Variants in SLC35D1 observed in about 807,000 individuals in gnomAD.
SLC35D1 encodes the protein nucleotide sugar transporter SLC35D1.
Under a neutral mutation model 46.7 loss-of-function variants are expected in SLC35D1, and 31 were observed. That is an observed-to-expected ratio of 0.66 (90% CI 0.50 to 0.90). The LOEUF is 0.90. Among genes scored for constraint, SLC35D1 ranks in the 40% least tolerant of loss-of-function variants. The pLI, the probability that SLC35D1 is intolerant of heterozygous loss-of-function variation, is 0.00. For missense variants in SLC35D1, 397 were observed against 426.2 expected (o/e 0.93, Z 0.60); for synonymous variants, 195 against 164.6 (o/e 1.18, Z -1.41).
Position 67,004,369 on chromosome 1 carries a change from G to A in SLC35D1, c.1039C>T (p.Leu347=), listed in dbSNP as rs1667403014. ...LSKQSEANNK[L]DIKGKGAV is the part of the protein sequence containing the mutation. The stretch of plus-strand genomic sequence containing the variant: ...ACTGCTCCTTTCCCCTTAATGTCCA[G>A]CTTGTTATTAGCCTCTGACTGTTTG... Residue 347 remains leucine, a synonymous_variant, in exon 12 of 12, where the codon CTG becomes TTG. Coordinates refer to ENST00000235345, the MANE Select transcript of SLC35D1 (RefSeq NM_015139.3). 1 of 1,614,068 alleles carries A rather than the reference G, an allele frequency of 6.2e-7. No homozygotes were observed. The highest frequency in any genetic ancestry group is 8.5e-7 in the Non-Finnish European group (1 of 1,179,950).
Position 67,036,523 on chromosome 1 carries a change from A to T in SLC35D1, c.729+5713T>A, listed in dbSNP as rs115071438. On this transcript the variant is annotated intron_variant, in intron 8 of 11. Coordinates refer to ENST00000235345, the MANE Select transcript of SLC35D1 (RefSeq NM_015139.3). ...TTGCTCAATTTACCCCTTTATCATTATATAGTGACCTTCTTTGTGTCTTAC... is the reference window on the plus strand; with the variant it reads ...TTGCTCAATTTACCCCTTTATCATTTTATAGTGACCTTCTTTGTGTCTTAC... Among the ~76,000 whole-genome samples the T allele has an allele frequency of 5.8e-3, 883 of 152,228 alleles. 6 individuals carry two copies. Among genetic ancestry groups the T allele is most frequent in the African/African-American group, 0.02 (822 of 41,562 alleles).
chr1:67,053,172 T>G (rs1399688797), intron 1 of SLC35D1, among the ~76,000 whole-genome samples, 183 bp from the exon 2 acceptor site: 1 of 152,126 alleles, frequency 6.6e-6, no homozygotes, highest in Non-Finnish European at 1.5e-5. Context: ...TCCACCCCGC[T>G]GATGTAGCCT....
chr1:67,014,007 A>G (rs554427307), intron 10 of SLC35D1, among the ~76,000 whole-genome samples: 4 of 152,298 alleles, frequency 2.6e-5, no homozygotes, highest in Admixed American at 6.5e-5. Flanking sequence ...GTAAAGCTCT[A>G]TATGTTTTGC....
the SLC35D1 span, chr1:66,981,894 A>C: frequency 6.2e-7 from 1 of 1,614,024 alleles, no homozygotes; most frequent in Non-Finnish European, 8.5e-7. Flanking sequence ...AGAAGATGGC[A>C]CTGTAAGCAC....
At chr1:66,996,049 T>C (rs536670802), downstream of SLC35D1, among the ~76,000 whole-genome samples, 2 of 152,244 alleles carry the variant, frequency 1.3e-5, no homozygotes, top group African/African-American at 4.8e-5. Flanking sequence ...GTGAGTGAAG[T>C]TGGACAAATT....
intron 7 of SLC35D1, among the ~76,000 whole-genome samples, chr1:67,044,751 C>G (rs1352968885): frequency 6.6e-6 from 1 of 152,154 alleles, no homozygotes; most frequent in Non-Finnish European, 1.5e-5. Context: ...AAATGCAGCA[C>G]AAAATCTTTA....
At chr1:66,973,141 C>T in the SLC35D1 span, 1 of 575,070 alleles carries the variant, frequency 1.7e-6, no homozygotes, top group Non-Finnish European at 3.1e-6. Flanking sequence ...TATAGTAAGG[C>T]TGCCTATACT....
intron 8 of SLC35D1, chr1:67,031,908 G>T: frequency 4.0e-6 from 1 of 247,978 alleles, no homozygotes. Flanking sequence ...GAAATAGAAG[G>T]CATGGTGAAC....
At chr1:67,042,094 A>G in intron 8 of SLC35D1, 142 bp downstream of exon 8, 1 of 798,458 alleles carries the variant, frequency 1.3e-6, no homozygotes, top group South Asian at 1.4e-5. Context: ...TTAGCATGAC[A>G]TTAGCAATTT....
At chr1:66,976,843 C>A in the SLC35D1 span, 1 of 780,330 alleles carries the variant, frequency 1.3e-6, no homozygotes, top group Non-Finnish European at 1.9e-6. Context: ...AACCAGAAGG[C>A]CGAGAGTGAT....
intron 8 of SLC35D1, among the ~76,000 whole-genome samples, chr1:67,030,039 G>T (rs570928653): frequency 6.6e-6 from 1 of 151,366 alleles, no homozygotes; most frequent in Non-Finnish European, 1.5e-5. Flanking sequence ...AACAGACAAG[G>T]CATAACCCAG....
chr1:67,030,023 T>C (rs968171469), intron 8 of SLC35D1, among the ~76,000 whole-genome samples: 1 of 151,932 alleles, frequency 6.6e-6, no homozygotes, highest in Non-Finnish European at 1.5e-5. Context: ...TTTTTTTTTT[T>C]CTTTGAACAG....
intron 8 of SLC35D1, among the ~76,000 whole-genome samples, chr1:67,034,498 C>A (rs2102322997): frequency 6.6e-6 from 1 of 152,182 alleles, no homozygotes; most frequent in African/African-American, 2.4e-5. Context: ...AAATCGTTTG[C>A]TATAGCCATA....
At chr1:66,996,918 T>C (rs907573192), downstream of SLC35D1, among the ~76,000 whole-genome samples, 8 of 152,220 alleles carry the variant, frequency 5.3e-5, no homozygotes, top group Non-Finnish European at 7.3e-5. Context: ...ACAAATGGTG[T>C]TGGGAAAATG....
the SLC35D1 span, among the ~76,000 whole-genome samples, chr1:66,975,560 A>C: frequency 1.3e-5 from 2 of 151,996 alleles, no homozygotes; most frequent in African/African-American, 2.4e-5. Context: ...AAAAGTTATC[A>C]GTATTTTATT....
chr1:67,031,960 GA>G, intron 8 of SLC35D1: 1 of 694,178 alleles, frequency 1.4e-6, no homozygotes, highest in Non-Finnish European at 1.8e-6. Context: ...CATTTAAAAT[GA>G]AACAAAACTT....
intron 8 of SLC35D1, among the ~76,000 whole-genome samples, chr1:67,038,410 T>C (rs1668167899): frequency 6.6e-6 from 1 of 152,202 alleles, no homozygotes; most frequent in South Asian, 2.1e-4. Flanking sequence ...GGAGACATTA[T>C]ACAGCGTACC....
At chr1:67,040,595 T>C (rs1262067819) in intron 8 of SLC35D1, among the ~76,000 whole-genome samples, 9 of 152,194 alleles carry the variant, frequency 5.9e-5, no homozygotes, top group African/African-American at 1.9e-4. Flanking sequence ...CTCATGCTGT[T>C]AGTTCTATCT....
In SLC35D1 at chr1:67,003,682, C is replaced by A. The variant is rs934795472; in HGVS notation, c.*658G>T. On this transcript the variant is annotated 3_prime_UTR_variant, in exon 12 of 12. Transcript: ENST00000235345. ...AATTAGTAAAAGGCCTACTTTCTCACCCCCTTCATTATCCCCATTCTACAC... is the reference window on the plus strand; with the variant it reads ...AATTAGTAAAAGGCCTACTTTCTCAACCCCTTCATTATCCCCATTCTACAC... The A allele has an allele frequency of 6.5e-6, 1 of 153,136 alleles. No homozygotes were observed. Among genetic ancestry groups the A allele is most frequent in the South Asian group, 2.1e-4 (1 of 4,862 alleles). 9.5% of individuals were successfully genotyped at this position (153,136 alleles called of 1,614,324 possible).
Sources: allele counts gnomAD v4.1 joint callset (sites outside exome capture counted in the v4.1 genomes callset), GRCh38; gene constraint gnomAD v4.1.1; transcripts MANE v1.5; gene names NCBI Gene and HGNC (gene_info 2026-07-23, HGNC 2026-07-21).